Variants in AKAP19 observed in about 807,000 individuals in gnomAD.
AKAP19 encodes the protein A-kinase anchoring protein 19, also known as small A-kinase anchoring protein.
the AKAP19 span, among the ~76,000 whole-genome samples, chr2:190,050,856 G>A: frequency 1.3e-5 from 2 of 152,190 alleles, no homozygotes; most frequent in Non-Finnish European, 2.9e-5. Context: ...CTGGATGTAA[G>A]GAATTAGAGA....
the AKAP19 span, among the ~76,000 whole-genome samples, chr2:189,926,722 A>G: frequency 6.8e-6 from 1 of 147,856 alleles, no homozygotes; most frequent in South Asian, 2.1e-4. Flanking sequence ...CTGGGGCTAC[A>G]GGCGCCCGCC....
At chr2:190,193,068 C>T in the AKAP19 span, among the ~76,000 whole-genome samples, 1,018 of 152,206 alleles carry the variant, frequency 6.7e-3, 10 homozygotes, top group African/African-American at 0.022. Flanking sequence ...ATGACTATTG[C>T]TGCCTTGCTC....
At chr2:190,175,268 A>C in the AKAP19 span, among the ~76,000 whole-genome samples, 30 of 152,352 alleles carry the variant, frequency 2.0e-4, no homozygotes, top group South Asian at 6.2e-3. Context: ...TAGGAAGATG[A>C]GGCTTGTTTA....
At chr2:190,038,386 G>A in the AKAP19 span, among the ~76,000 whole-genome samples, 5 of 152,282 alleles carry the variant, frequency 3.3e-5, no homozygotes, top group South Asian at 6.2e-4. Flanking sequence ...AGGATCTAGT[G>A]TAGATGCCCT....
At chr2:190,051,015 A>G in the AKAP19 span, among the ~76,000 whole-genome samples, 1 of 152,252 alleles carries the variant, frequency 6.6e-6, no homozygotes, top group Non-Finnish European at 1.5e-5. Context: ...GTGATGTAGC[A>G]TGAGGAGGCT....
chr2:189,976,216 G>C, the AKAP19 span, among the ~76,000 whole-genome samples: 5 of 152,256 alleles, frequency 3.3e-5, no homozygotes, highest in Non-Finnish European at 5.9e-5. Flanking sequence ...CTCCACTGCA[G>C]GCCTGTTGGA....
At chr2:190,135,176 C>T in the AKAP19 span, among the ~76,000 whole-genome samples, 1 of 152,060 alleles carries the variant, frequency 6.6e-6, no homozygotes, top group Non-Finnish European at 1.5e-5. Context: ...AGATTTTTTT[C>T]CCAGTAACTT....
chr2:189,896,240 A>G, the AKAP19 span, among the ~76,000 whole-genome samples: 3 of 152,266 alleles, frequency 2.0e-5, no homozygotes, highest in South Asian at 6.2e-4. Flanking sequence ...CTTGCCAGTA[A>G]AATGTGTTAG....
At chr2:190,151,120 TTC>T in the AKAP19 span, among the ~76,000 whole-genome samples, 1 of 152,218 alleles carries the variant, frequency 6.6e-6, no homozygotes, top group Non-Finnish European at 1.5e-5. Context: ...TATTTGTCAT[TTC>T]TGTTTTGATT....
chr2:189,932,606 G>A, the AKAP19 span, among the ~76,000 whole-genome samples: 1 of 151,456 alleles, frequency 6.6e-6, no homozygotes, highest in East Asian at 1.9e-4. Context: ...TCAGGAGGCT[G>A]AGGCAGAAGG....
chr2:190,147,803 C>T, the AKAP19 span, among the ~76,000 whole-genome samples: 1 of 151,502 alleles, frequency 6.6e-6, no homozygotes, highest in Admixed American at 6.6e-5. Context: ...TGATTTGATT[C>T]TCTGCTTGGT....
At chr2:190,182,771 A>C in the AKAP19 span, among the ~76,000 whole-genome samples, 2 of 152,234 alleles carry the variant, frequency 1.3e-5, no homozygotes, top group Non-Finnish European at 2.9e-5. Context: ...GTTGACTAAA[A>C]ACCTCACCTC....
chr2:190,200,218 G>C, the AKAP19 span: 6 of 1,243,910 alleles, frequency 4.8e-6, no homozygotes, highest in African/African-American at 4.5e-5. Context: ...GCAAAAACTG[G>C]TGTGAAAAAG....
At chr2:189,920,498 G>C in the AKAP19 span, among the ~76,000 whole-genome samples, 1 of 152,180 alleles carries the variant, frequency 6.6e-6, no homozygotes, top group Non-Finnish European at 1.5e-5. Context: ...GTTTTTATCT[G>C]GATGGATATG....
chr2:190,129,922 C>G, the AKAP19 span, among the ~76,000 whole-genome samples: 2 of 152,128 alleles, frequency 1.3e-5, no homozygotes, highest in African/African-American at 4.8e-5. Context: ...CCATCCAGCC[C>G]AGGATATTTT....
chr2:189,898,538 A>G, the AKAP19 span, among the ~76,000 whole-genome samples: 1 of 151,972 alleles, frequency 6.6e-6, no homozygotes, highest in African/African-American at 2.4e-5. Flanking sequence ...CTCTCTACTC[A>G]TATCTTCTTT....
chr2:190,176,591 G>T, the AKAP19 span, among the ~76,000 whole-genome samples: 3 of 152,166 alleles, frequency 2.0e-5, no homozygotes, highest in Non-Finnish European at 4.4e-5. This position sits in a 1 kb window ranked among gnomAD's most constrained non-coding sequence, Gnocchi z 4.7. Flanking sequence ...CTCGTGATCT[G>T]CCTGCCTTGG....
chr2:190,099,150 T>G, the AKAP19 span, among the ~76,000 whole-genome samples: 6,202 of 152,330 alleles, frequency 0.041, 424 homozygotes, highest in African/African-American at 0.14. Flanking sequence ...CAAGAGCTTT[T>G]CTGTTCTATT....
At chr2:190,072,779 GT>G in the AKAP19 span, among the ~76,000 whole-genome samples, 1 of 152,120 alleles carries the variant, frequency 6.6e-6, no homozygotes, top group Non-Finnish European at 1.5e-5. Context: ...GGAAACAAGT[GT>G]TATCACAGAA....
Sources: gnomAD v4.1 joint callset for allele counts (sites outside exome capture counted in the v4.1 genomes callset) on GRCh38, gnomAD v4.1.1 for gene constraint, Gnocchi (gnomAD v3.1) non-coding constraint, MANE v1.5 for transcripts, NCBI Gene and HGNC (gene_info 2026-07-23, HGNC 2026-07-21) for gene names.